OCRL: variants seen among roughly 807,000 people sequenced by gnomAD.
The protein encoded by OCRL is inositol polyphosphate 5-phosphatase OCRL.
Under a neutral mutation model 78.9 loss-of-function variants are expected in OCRL, and 8 were observed. The ratio of observed to expected loss-of-function variants is 0.10; its 90% CI spans 0.06 to 0.18. The LOEUF (loss-of-function observed/expected upper bound fraction) is 0.18. Among genes scored for constraint, OCRL ranks in the 10% least tolerant of loss-of-function variants. OCRL has a pLI of 1.00. For missense variants in OCRL, 454 were observed against 696.7 expected, an observed-to-expected ratio of 0.65 and a Z score of 3.92; for synonymous variants, 240 against 235.4, an observed-to-expected ratio of 1.02 and a Z score of -0.18.
intron 18 of OCRL, among the ~76,000 whole-genome samples, chrX:129,581,039 C>G (rs912099497): frequency 1.8e-5 from 2 of 111,463 alleles, no homozygotes; most frequent in Admixed American, 9.5e-5. Context: ...TAATTTTTGC[C>G]TTTTTAGTAG....
At chrX:129,547,400 C>T (rs1935898421) in intron 3 of OCRL, among the ~76,000 whole-genome samples, 1 of 107,514 alleles carries the variant, frequency 9.3e-6, no homozygotes, top group Non-Finnish European at 1.9e-5. Flanking sequence ...TGGCGGGTGC[C>T]TGTAGTCCCA....
rs1379579870 is a variant in OCRL, at chrX:129,558,740, T to C, written c.547T>C (p.Ser183Pro). 8.3e-7 allele frequency: 1 copy of C among 1,211,126 alleles called. No individual in the cohort carries two copies. Among genetic ancestry groups the C allele is most frequent in the African/African-American group, 1.7e-5 (1 of 57,475 alleles). The change falls in exon 7 of 24, where the codon TCA becomes CCA. Residue 183 changes from serine to proline, a missense_variant. By Grantham distance (74) the Ser-to-Pro change is moderately conservative. This residue lies in a region of OCRL where 177 missense variants were observed against 179.6 expected (regional missense o/e 0.99). Coordinates refer to ENST00000371113, the MANE Select transcript of OCRL (RefSeq NM_000276.4). ...TCGGGAACCCCCACCTCCACCCTTT[T>C]CAGTGAATAAAATGTAAGTCCCATG... ...IHREPPPPPFSVNKMLPREKE... is the reference protein window; with the variant it reads ...IHREPPPPPFPVNKMLPREKE...
intron 18 of OCRL, among the ~76,000 whole-genome samples, chrX:129,577,080 A>G (rs1486982386): frequency 1.8e-5 from 2 of 111,395 alleles, no homozygotes; most frequent in East Asian, 2.8e-4. Flanking sequence ...CTATTTATGG[A>G]AGCATAGAAC....
chrX:129,550,937 G>T (rs1240489250), intron 4 of OCRL, among the ~76,000 whole-genome samples: 3 of 96,490 alleles, frequency 3.1e-5, no homozygotes, highest in African/African-American at 1.1e-4. Flanking sequence ...ATTTGACAGG[G>T]TTTTTTTTTT....
At chrX:129,558,566 C>T (rs187121450) in intron 6 of OCRL, 67 bp from the exon 7 acceptor site, 1 of 1,155,787 alleles carries the variant, frequency 8.7e-7, no homozygotes, top group East Asian at 3.0e-5. Flanking sequence ...AATCAAAGCC[C>T]TGTTACCCTG....
Position 129,584,275 on chromosome X carries a change from C to A in OCRL, c.2116-69C>A, listed in dbSNP as rs756882405. On this transcript the variant is annotated intron_variant, in intron 18 of 23. Transcript: ENST00000371113. Reference sequence around the variant, plus strand: ...AGTGAGTTCTAATACTGATCTGTTTCTAATTCTGTAAATTAATTCTAATCA... The same window carrying A: ...AGTGAGTTCTAATACTGATCTGTTTATAATTCTGTAAATTAATTCTAATCA... The A allele has an allele frequency of 3.9e-6, 4 of 1,024,090 alleles. No homozygotes were observed. In the South Asian group the frequency reaches 7.6e-5, roughly 19 times the overall value. The allele number at this position is 1,024,090 out of a possible 1,213,427, so 84.4% of individuals were successfully genotyped here.
chrX:129,579,352 A>G (rs1214808847), intron 18 of OCRL, among the ~76,000 whole-genome samples: 1 of 111,412 alleles, frequency 9.0e-6, no homozygotes. Flanking sequence ...CCAAGACCCA[A>G]TATCGTATTT....
Position 129,558,760 on chromosome X carries a change from C to T in OCRL, c.560+7C>T. On this transcript the variant is annotated splice_region_variant and intron_variant, in intron 7 of 23. Coordinates refer to ENST00000371113, the MANE Select transcript of OCRL (RefSeq NM_000276.4). ...CCTTTTCAGTGAATAAAATGTAAGT[C>T]CCATGTGAAAACATATTTGCCTTGT... The T allele has an allele frequency of 1.7e-6, 2 of 1,211,747 alleles. No individual in the cohort carries two copies. Among genetic ancestry groups the T allele is most frequent in the Non-Finnish European group, 2.2e-6 (2 of 895,263 alleles).
chrX:129,577,577 T>TAGCAGGGAGGTCTAGACC (rs1936385509), intron 18 of OCRL, among the ~76,000 whole-genome samples: 1 of 111,826 alleles, frequency 8.9e-6, no homozygotes, highest in Admixed American at 9.5e-5. Flanking sequence ...TGATTGTATC[T>TAGCAGGGAGGTCTAGACC]AGCAGGGAGG....
chrX:129,550,652 C>T (rs762738807), intron 4 of OCRL, among the ~76,000 whole-genome samples: 168 of 111,620 alleles, frequency 1.5e-3, no homozygotes, highest in Middle Eastern at 9.3e-3. Context: ...TACAGAATAG[C>T]TGTTGAGTTG....
chrX:129,569,529 A>T, intron 15 of OCRL, 130 bp downstream of exon 15: 3 of 760,503 alleles, frequency 3.9e-6, no homozygotes, highest in Non-Finnish European at 6.0e-6. Context: ...CATTTGCAGC[A>T]TTGAGAGGTT....
chrX:129,576,223 T>C, intron 17 of OCRL, 94 bp from the exon 18 acceptor site: 1 of 963,651 alleles, frequency 1.0e-6, no homozygotes, highest in South Asian at 2.0e-5. Context: ...CTTAATGATT[T>C]TTTTAGAGGA....
In OCRL at chrX:129,561,284, G is replaced by A; in HGVS notation, c.930G>A (p.Lys310=). 2.6e-6 allele frequency: 3 copies of A among 1,146,486 alleles called. No individual in the cohort carries two copies. The highest frequency in any genetic ancestry group is 2.4e-4 in the Middle Eastern group (1 of 4,182). 94.5% of individuals were successfully genotyped at this position (1,146,486 alleles called of 1,213,427 possible). A position where few individuals can be genotyped will look rare whatever the true frequency, so the allele number is the denominator to read the frequency against. ...AGAGAGGTTTGCATTCCAAAGCCAA[G>A]TATAAGAAAGTAAGCCGCATTTAAT... ...AVERGLHSKA[K]YKKVQLVRLV... Residue 310 remains lysine (K), a synonymous_variant, in exon 10 of 24, where the codon AAG becomes AAA. Coordinates refer to ENST00000371113, the MANE Select transcript of OCRL (RefSeq NM_000276.4).
Position 129,576,326 on chromosome X carries a change from T to C in OCRL, c.1889T>C (p.Val630Ala), listed in dbSNP as rs768629676. Residue 630 changes from valine to alanine, a missense_variant, in exon 18 of 24, where the codon GTG becomes GCG. Val to Ala is a moderately conservative substitution (Grantham distance 64). Around this residue, in one of 2 missense-constraint regions of OCRL, gnomAD observed 277 missense variants for 517.1 expected, o/e 0.54. Coordinates refer to ENST00000371113, the MANE Select transcript of OCRL (RefSeq NM_000276.4). ...ATCTCTTACATTTCAGATGAGACAG[T>C]GGACATTTCTCTTGATGTGTATGTC... ...FEGYLEPNET[V>A]DISLDVYVSK... The C allele has an allele frequency of 1.8e-5, 22 of 1,203,918 alleles. No homozygotes were observed. The highest frequency in any genetic ancestry group is 2.5e-5 in the Non-Finnish European group (22 of 888,136).
rs768636166 is a variant in OCRL at position 129,562,802 on chromosome X, ACCTGTAGCCTTTGAGTAGTGGCT to A, written c.1244+17_1244+39del. ...TGAAACATGAGTAAGTGGTTAACTCACCTGTAGCCTTTGAGTAGTGGCTACAGGAGTTTGGATAGTGTAGAGAT... is the reference window on the plus strand; with the variant it reads ...TGAAACATGAGTAAGTGGTTAACTCAACAGGAGTTTGGATAGTGTAGAGAT... On this transcript the variant is annotated intron_variant, in intron 12 of 23. Coordinates refer to ENST00000371113, the MANE Select transcript of OCRL (RefSeq NM_000276.4). 454 of 1,196,524 alleles carry A rather than the reference ACCTGTAGCCTTTGAGTAGTGGCT, an allele frequency of 3.8e-4. No homozygotes were observed. Among genetic ancestry groups the A allele is most frequent in the Non-Finnish European group, 5.0e-4 (441 of 883,180 alleles).
intron 16 of OCRL, 81 bp downstream of exon 16, chrX:129,575,331 T>C: frequency 3.1e-6 from 2 of 638,071 alleles, no homozygotes; most frequent in Non-Finnish European, 5.1e-6. Flanking sequence ...AAAGGCTACA[T>C]AGCAACGTGG....
chrX:129,568,149 C>T (rs1936247185), intron 14 of OCRL, among the ~76,000 whole-genome samples: 1 of 109,973 alleles, frequency 9.1e-6, no homozygotes, highest in South Asian at 3.9e-4. Flanking sequence ...ATCTCCTGAC[C>T]TCATGATCCA....
intron 6 of OCRL, 23 bp from the exon 7 acceptor site, chrX:129,558,610 A>T (rs1181662905): frequency 1.7e-6 from 2 of 1,210,342 alleles, no homozygotes; most frequent in Admixed American, 4.3e-5. Context: ...TCCCCGTTTG[A>T]CTTTGGGGTC....
At chrX:129,560,765 G>A in intron 9 of OCRL, 114 bp downstream of exon 9, 3 of 491,340 alleles carry the variant, frequency 6.1e-6, no homozygotes, top group Middle Eastern at 3.5e-4. Flanking sequence ...CTATACACGA[G>A]AGTTAACTTG....
Sources: gnomAD v4.1 joint callset for allele counts (sites outside exome capture counted in the v4.1 genomes callset) on GRCh38, gnomAD v4.1.1 for gene constraint, gnomAD v4.1.1 regional missense constraint, MANE v1.5 for transcripts, NCBI Gene and HGNC (gene_info 2026-07-23, HGNC 2026-07-21) for gene names.